The following ANKDD1A variants were observed in gnomAD, a reference collection of about 807,000 sequenced individuals.
ANKDD1A encodes ankyrin repeat and death domain containing 1A.
ANKDD1A carries 59 observed loss-of-function variants against 63.5 expected under a neutral mutation model. The ratio of observed to expected loss-of-function variants is 0.93; its 90% CI spans 0.75 to 1.15. ANKDD1A has a LOEUF of 1.15. Ranked by LOEUF, ANKDD1A falls within the 50% of genes most tolerant of loss-of-function variation. ANKDD1A has a pLI of 0.00. For missense variants in ANKDD1A, 632 were observed against 656.4 expected (o/e 0.96, Z 0.41); for synonymous variants, 266 against 263.9 (o/e 1.01, Z -0.08).
intron 4 of ANKDD1A, among the ~76,000 whole-genome samples, chr15:64,923,831 G>A (rs780807985): frequency 2.0e-5 from 3 of 152,184 alleles, no homozygotes; most frequent in Non-Finnish European, 4.4e-5. Context: ...GTGCTGTCTT[G>A]ATGGAGTATA....
chr15:64,938,883 C>T (rs923940977), intron 9 of ANKDD1A, among the ~76,000 whole-genome samples: 10 of 149,948 alleles, frequency 6.7e-5, no homozygotes, highest in Non-Finnish European at 1.0e-4. Flanking sequence ...AGGCGGAGGT[C>T]GCAGTGAGCC....
intron 14 of ANKDD1A, among the ~76,000 whole-genome samples, chr15:64,952,414 CCTT>C (rs150899662): frequency 0.9 from 128,093 of 141,616 alleles, 57,592 homozygotes; most frequent in East Asian, 0.99. Context: ...TTCTTCTTCT[CCTT>C]CTTAGTTTTC....
intron 14 of ANKDD1A, chr15:64,950,769 G>A: frequency 2.1e-6 from 2 of 949,120 alleles, no homozygotes; most frequent in Non-Finnish European, 1.2e-6. Context: ...TATAGGCAAG[G>A]TGGAAAAGCT....
At chr15:64,917,292 C>A (rs976585560) in intron 2 of ANKDD1A, 94 bp from the exon 3 acceptor site, 1 of 1,437,330 alleles carries the variant, frequency 7.0e-7, no homozygotes, top group Non-Finnish European at 9.2e-7. Context: ...ACCCTTCCAG[C>A]CTGCAGACCA....
chr15:64,915,475 G>A (rs1335952507), intron 1 of ANKDD1A, among the ~76,000 whole-genome samples: 4 of 152,184 alleles, frequency 2.6e-5, no homozygotes, highest in Non-Finnish European at 5.9e-5. Flanking sequence ...TTCCCCAAGA[G>A]CAGCTCTTGG....
intron 9 of ANKDD1A, among the ~76,000 whole-genome samples, chr15:64,935,964 G>T (rs569122969): frequency 6.6e-6 from 1 of 152,146 alleles, no homozygotes; most frequent in Non-Finnish European, 1.5e-5. Context: ...TTTGGTGTTA[G>T]GCCTGGCTTT....
At chr15:64,926,310 G>A in intron 5 of ANKDD1A, 140 bp downstream of exon 5, 1 of 796,016 alleles carries the variant, frequency 1.3e-6, no homozygotes, top group East Asian at 2.8e-5. Context: ...GGAGCCGCTG[G>A]TTGGGAAGAG....
At chr15:64,941,536 C>A (rs1227710579) in intron 9 of ANKDD1A, among the ~76,000 whole-genome samples, 8 of 152,142 alleles carry the variant, frequency 5.3e-5, no homozygotes, top group Non-Finnish European at 4.4e-5. Context: ...TTGTTCAAAT[C>A]TTCTTTTCTA....
At chr15:64,914,509 G>A (rs1384633448) in intron 1 of ANKDD1A, among the ~76,000 whole-genome samples, 1 of 152,182 alleles carries the variant, frequency 6.6e-6, no homozygotes, top group African/African-American at 2.4e-5. Context: ...GCCCAGGCTG[G>A]TCTTGAACTC....
rs749658423 is a variant in ANKDD1A, at chr15:64,944,693, T to C, written c.1107T>C (p.His369=). 2 of 1,614,014 alleles carry C rather than the reference T, an allele frequency of 1.2e-6. No homozygotes were observed. The highest frequency in any genetic ancestry group is 1.3e-5 in the African/African-American group (1 of 74,904). Residue 369 remains histidine, a synonymous_variant, in exon 12 of 15, where the codon CAT becomes CAC. Coordinates refer to ENST00000319580, the MANE Select transcript of ANKDD1A (RefSeq NM_182703.6). ...TALAVAVRSN[H]VSLVDMIIKA... is the part of the protein sequence containing the mutation. ...TGGCAGTGGCCGTCCGCAGCAACCATGTCAGCCTGGTGGACATGATCATAA... is the reference window on the plus strand; with the variant it reads ...TGGCAGTGGCCGTCCGCAGCAACCACGTCAGCCTGGTGGACATGATCATAA...
intron 1 of ANKDD1A, among the ~76,000 whole-genome samples, chr15:64,915,079 C>T (rs2084958980): frequency 6.6e-6 from 1 of 152,152 alleles, no homozygotes; most frequent in African/African-American, 2.4e-5. Flanking sequence ...CCGAGGCAGG[C>T]AGATCACTTG....
In ANKDD1A at chr15:64,926,929, C is replaced by A; in HGVS notation, c.500C>A (p.Ala167Asp). 1 of 1,614,190 alleles carries A rather than the reference C, an allele frequency of 6.2e-7. No homozygotes were observed. Among genetic ancestry groups the A allele is most frequent in the Non-Finnish European group, 8.5e-7 (1 of 1,180,044 alleles). ...KLGRTAFHRA[A>D]EHGQLDALDF... ...GGGAGGACGGCGTTTCACAGGGCAGCTGAGCACGGGCAGCTGGATGCTCTG... is the reference window on the plus strand; with the variant it reads ...GGGAGGACGGCGTTTCACAGGGCAGATGAGCACGGGCAGCTGGATGCTCTG... Residue 167 changes from alanine (A) to aspartate (D), a missense_variant, in exon 6 of 15, where the codon GCT becomes GAT. Transcript: ENST00000319580.
rs1555397824 is a variant in ANKDD1A, at chr15:64,953,534, CTCTCCTTCTTCCT to C, written c.1484-3558_1484-3546del. ...TTCCTTCTCCTTCTTCCTTCTTCTCCTCTCCTTCTTCCTTCTCCTTCTTTCTTCCTCCTTCTTC... is the reference window on the plus strand; with the variant it reads ...TTCCTTCTCCTTCTTCCTTCTTCTCCTCTCCTTCTTTCTTCCTCCTTCTTC... On this transcript the variant is annotated intron_variant, in intron 14 of 14. Coordinates refer to ENST00000319580, the MANE Select transcript of ANKDD1A (RefSeq NM_182703.6). Among the ~76,000 whole-genome samples the C allele has an allele frequency of 0.011, 762 of 70,080 alleles. 50 individuals are homozygous for C. The South Asian group carries it at 0.14, about 13-fold the overall frequency. 46.0% of individuals were successfully genotyped at this position (70,080 alleles called of 152,430 possible). A position where few individuals can be genotyped will look rare whatever the true frequency, so the allele number is the denominator to read the frequency against.
At chr15:64,953,193 TCTTA>T (rs2085333975) in intron 14 of ANKDD1A, among the ~76,000 whole-genome samples, 5 of 98,314 alleles carry the variant, frequency 5.1e-5, no homozygotes, top group Non-Finnish European at 1.1e-4. Context: ...TTCTTCCTCT[TCTTA>T]TTCTTTCTTC....
intron 6 of ANKDD1A, among the ~76,000 whole-genome samples, chr15:64,930,511 A>G (rs2085081094): frequency 6.6e-6 from 1 of 152,192 alleles, no homozygotes; most frequent in Non-Finnish European, 1.5e-5. Flanking sequence ...GCCTGAGCGC[A>G]GGGGAGAGTT....
intron 1 of ANKDD1A, among the ~76,000 whole-genome samples, chr15:64,914,310 A>G (rs1426731533): frequency 6.6e-6 from 1 of 151,910 alleles, no homozygotes; most frequent in Non-Finnish European, 1.5e-5. Context: ...TTTTAGAGAC[A>G]GGGTCTCACT....
chr15:64,945,510 C>G (rs115209354), intron 12 of ANKDD1A, among the ~76,000 whole-genome samples: 1,663 of 146,680 alleles, frequency 0.011, 25 homozygotes, highest in African/African-American at 0.04. Flanking sequence ...ATGATTTGCT[C>G]CACTATAAAG....
chr15:64,912,165 C>T (rs1006557896), intron 1 of ANKDD1A, among the ~76,000 whole-genome samples: 3 of 152,110 alleles, frequency 2.0e-5, no homozygotes, highest in African/African-American at 7.2e-5. Flanking sequence ...ACTCGGGGAC[C>T]ACACCCGCCA....
At chr15:64,947,127 G>A (rs1233254981) in intron 12 of ANKDD1A, among the ~76,000 whole-genome samples, 5 of 152,198 alleles carry the variant, frequency 3.3e-5, no homozygotes, top group African/African-American at 9.6e-5. Flanking sequence ...TAGCACATGG[G>A]TAGTCTTTTG....
Sources: allele counts gnomAD v4.1 joint callset (sites outside exome capture counted in the v4.1 genomes callset), GRCh38; gene constraint gnomAD v4.1.1; transcripts MANE v1.5; gene names NCBI Gene and HGNC (gene_info 2026-07-23, HGNC 2026-07-21).